The following PON2 variants were observed in gnomAD, a reference collection of about 807,000 sequenced individuals.
PON2 encodes paraoxonase 2.
In PON2, 27 loss-of-function variants were observed where a neutral mutation model predicts 36.6. That is an observed-to-expected ratio of 0.74 (90% CI 0.54 to 1.02). The LOEUF is 1.02. PON2 is among the 50% of genes least tolerant of loss of function. The probability of loss-of-function intolerance (pLI) is 0.00; values close to 1 mark genes in which losing one functional copy is unlikely to be tolerated. For synonymous variants in PON2, 149 were observed against 156.3 expected, an observed-to-expected ratio of 0.95 and a Z score of 0.35; for missense variants, 363 against 421.1, an observed-to-expected ratio of 0.86 and a Z score of 1.21.
intron 2 of PON2, among the ~76,000 whole-genome samples, chr7:95,417,690 GAC>G (rs555142509): frequency 0.012 from 1,100 of 93,500 alleles, 9 homozygotes; most frequent in African/African-American, 0.021. Flanking sequence ...TGTACACACA[GAC>G]ACACACACAC....
intron 2 of PON2, among the ~76,000 whole-genome samples, chr7:95,416,911 A>G (rs1214741299): frequency 6.6e-6 from 1 of 152,218 alleles, no homozygotes; most frequent in East Asian, 1.9e-4. Context: ...TGAAGTTTCT[A>G]ACTCCTGTCT....
At chr7:95,422,339 G>C (rs1789211805) in intron 2 of PON2, among the ~76,000 whole-genome samples, 1 of 152,116 alleles carries the variant, frequency 6.6e-6, no homozygotes, top group South Asian at 2.1e-4. Flanking sequence ...GATAAAAAAG[G>C]GAGCTTTATC....
intron 2 of PON2, among the ~76,000 whole-genome samples, chr7:95,422,813 T>G (rs1210342286): frequency 6.6e-6 from 1 of 152,182 alleles, no homozygotes. Context: ...TCTAGTTATT[T>G]CCACACTGTG....
At chr7:95,413,670 T>C (rs1192959454) in intron 3 of PON2, among the ~76,000 whole-genome samples, 3 of 152,228 alleles carry the variant, frequency 2.0e-5, no homozygotes, top group Non-Finnish European at 2.9e-5. Flanking sequence ...GCCTTCTTGG[T>C]GATGTTAAAT....
chr7:95,419,363 TAG>T (rs1307901057), intron 2 of PON2, among the ~76,000 whole-genome samples: 1 of 151,892 alleles, frequency 6.6e-6, no homozygotes, highest in East Asian at 1.9e-4. Flanking sequence ...TCAGGGGAAT[TAG>T]GGGGAGAATT....
chr7:95,408,431 G>C (rs1421482552), intron 6 of PON2, among the ~76,000 whole-genome samples: 2 of 152,188 alleles, frequency 1.3e-5, no homozygotes, highest in Non-Finnish European at 2.9e-5. Context: ...CTGCCTACAG[G>C]CTGGATAGGA....
Position 95,424,596 on chromosome 7 carries a change from G to GAA in PON2, c.75-13_75-12dup. 2 of 1,574,188 alleles carry GAA rather than the reference G, an allele frequency of 1.3e-6. No individual in the cohort carries two copies. Among genetic ancestry groups the GAA allele is most frequent in the Non-Finnish European group, 1.7e-6 (2 of 1,155,332 alleles). Reference sequence around the variant, plus strand: ...GCTTTAAGTCGATTTCTGTTACAAAGAAAAAAAAACAAAAAACAAAAAACT... The same window carrying GAA: ...GCTTTAAGTCGATTTCTGTTACAAAGAAAAAAAAAAACAAAAAACAAAAAACT... On this transcript the variant is annotated splice_polypyrimidine_tract_variant and intron_variant, in intron 1 of 8. Coordinates refer to ENST00000222572, the MANE Select transcript of PON2 (RefSeq NM_000305.3).
In PON2 at chr7:95,411,743, T is replaced by C; in HGVS notation, c.404A>G (p.Glu135Gly). ...AAAAATTTCCACTGTATTCTTGAAT[T>C]CTGGGTGGTTTACAACAAAGAGATA... Reference protein sequence around the residue: ...TVYLFVVNHPEFKNTVEIFKF... With the variant: ...TVYLFVVNHPGFKNTVEIFKF... Residue 135 changes from glutamate to glycine, a missense_variant, in exon 5 of 9, where the codon GAA becomes GGA. Transcript: ENST00000222572. 1 of 1,613,694 alleles carries C rather than the reference T, an allele frequency of 6.2e-7. No individual in the cohort carries two copies. The highest frequency in any genetic ancestry group is 2.2e-5 in the East Asian group (1 of 44,862).
chr7:95,411,834 G>A, intron 4 of PON2, 55 bp from the exon 5 acceptor site: 1 of 1,584,714 alleles, frequency 6.3e-7, no homozygotes. Context: ...GGGACCTCTG[G>A]GCAGGCACTG....
intron 1 of PON2, among the ~76,000 whole-genome samples, chr7:95,427,335 A>G (rs983716419): frequency 2.6e-5 from 4 of 152,112 alleles, no homozygotes; most frequent in African/African-American, 9.7e-5. Flanking sequence ...CGCCATGCCC[A>G]ACCCCCTTTC....
At chr7:95,423,634 G>A (rs543610602) in intron 2 of PON2, among the ~76,000 whole-genome samples, 19 of 152,250 alleles carry the variant, frequency 1.2e-4, no homozygotes, top group Admixed American at 1.1e-3. Context: ...GGAAGAGGGA[G>A]ACTCCCCCTC....
At chr7:95,434,823 C>T in intron 1 of PON2, 55 bp downstream of exon 1, 1 of 1,516,614 alleles carries the variant, frequency 6.6e-7, no homozygotes, top group East Asian at 2.6e-5. Context: ...CCGCACCACG[C>T]GGCCACCCCG....
chr7:95,417,648 C>CCACATACACATGTATACACGG (rs1789094640), intron 2 of PON2, among the ~76,000 whole-genome samples: 1 of 149,420 alleles, frequency 6.7e-6, no homozygotes, highest in South Asian at 2.1e-4. Flanking sequence ...GAACGCTACA[C>CCACATACACATGTATACACGG]CACATACACA....
intron 1 of PON2, among the ~76,000 whole-genome samples, chr7:95,426,098 A>G (rs1182905223): frequency 6.6e-6 from 1 of 152,090 alleles, no homozygotes; most frequent in Non-Finnish European, 1.5e-5. Flanking sequence ...GACTACTAGA[A>G]GGGGAAGGGA....
In PON2 at chr7:95,417,989, A is replaced by T. The variant is rs985505139; in HGVS notation, c.146-1692T>A. On this transcript the variant is annotated intron_variant, in intron 2 of 8. Coordinates refer to ENST00000222572, the MANE Select transcript of PON2 (RefSeq NM_000305.3). Reference sequence around the variant, plus strand: ...ATTAAGGAAAGAGAAATCTTTTTTTAAAAAAATACATTTATTTCAACCATA... The same window carrying T: ...ATTAAGGAAAGAGAAATCTTTTTTTTAAAAAATACATTTATTTCAACCATA... Among the ~76,000 whole-genome samples the T allele has an allele frequency of 1.6e-4, 25 of 152,124 alleles. 1 individual carries two copies. Among genetic ancestry groups the T allele is most frequent in the African/African-American group, 4.3e-4 (18 of 41,522 alleles).
rs947200496 is a variant in PON2 at position 95,411,642 on chromosome 7, T to C, written c.494+11A>G. 1 of 1,613,812 alleles carries C rather than the reference T, an allele frequency of 6.2e-7. No homozygotes were observed. Among genetic ancestry groups the C allele is most frequent in the African/African-American group, 1.3e-5 (1 of 75,006 alleles). ...GGGATAAATTAGAGAAGGAACAAAATGAGGAAGTACCTTGGAAGAAGCTCA... is the reference window on the plus strand; with the variant it reads ...GGGATAAATTAGAGAAGGAACAAAACGAGGAAGTACCTTGGAAGAAGCTCA... On this transcript the variant is annotated intron_variant, in intron 5 of 8. Coordinates refer to ENST00000222572, the MANE Select transcript of PON2 (RefSeq NM_000305.3).
At chr7:95,410,627 A>G (rs1788899263) in intron 5 of PON2, among the ~76,000 whole-genome samples, 1 of 152,254 alleles carries the variant, frequency 6.6e-6, no homozygotes, top group African/African-American at 2.4e-5. Flanking sequence ...ACAGGCACTC[A>G]ATAAACACTT....
chr7:95,432,571 T>A (rs1164591124), intron 1 of PON2, among the ~76,000 whole-genome samples: 3 of 152,154 alleles, frequency 2.0e-5, no homozygotes, highest in Admixed American at 2.0e-4. Context: ...TATTTGACTG[T>A]TGAGAAAACT....
At chr7:95,424,358 T>C in intron 2 of PON2, 157 bp downstream of exon 2, 1 of 661,002 alleles carries the variant, frequency 1.5e-6, no homozygotes, top group South Asian at 1.7e-5. Context: ...AATACAGGGT[T>C]CATCAGATCA....
Sources: allele counts gnomAD v4.1 joint callset (sites outside exome capture counted in the v4.1 genomes callset), GRCh38; gene constraint gnomAD v4.1.1; transcripts MANE v1.5; gene names NCBI Gene and HGNC (gene_info 2026-07-23, HGNC 2026-07-21).